The following C19orf38 variants were observed in gnomAD, a reference collection of about 807,000 sequenced individuals.
The protein encoded by C19orf38 is chromosome 19 open reading frame 38, also known as protein HIDE1.
C19orf38 carries 14 observed loss-of-function variants against 26.6 expected under a neutral mutation model. The observed-to-expected ratio is 0.53, with a 90% CI of 0.35 to 0.82. The LOEUF (loss-of-function observed/expected upper bound fraction) is 0.82. Ranked by LOEUF, C19orf38 falls within the 40% of genes least tolerant of loss-of-function variation. C19orf38 has a pLI of 0.01. For missense variants in C19orf38, 261 were observed against 299.5 expected (o/e 0.87, Z 0.95); for synonymous variants, 132 against 128.5 (o/e 1.03, Z -0.18).
At chr19:10,837,809 AT>A (rs977063635) in intron 1 of C19orf38, among the ~76,000 whole-genome samples, 1 of 145,594 alleles carries the variant, frequency 6.9e-6, no homozygotes, top group Admixed American at 6.9e-5. Context: ...ACCCGGCCGG[AT>A]TTTTTTTAGG....
At chr19:10,862,971 T>C (rs2073716510) in intron 5 of C19orf38, among the ~76,000 whole-genome samples, 199 bp from the exon 6 acceptor site, 2 of 152,042 alleles carry the variant, frequency 1.3e-5, no homozygotes, top group African/African-American at 2.4e-5. Context: ...CTAGGAAGAC[T>C]GTGTGTAGAA....
At chr19:10,840,936 T>C (rs1415772064) in intron 1 of C19orf38, among the ~76,000 whole-genome samples, 2 of 152,168 alleles carry the variant, frequency 1.3e-5, no homozygotes, top group Non-Finnish European at 2.9e-5. Flanking sequence ...TGACCGGCCC[T>C]GTTTTGTATT....
chr19:10,842,215 G>C, intron 1 of C19orf38: 1 of 1,342,384 alleles, frequency 7.4e-7, no homozygotes, highest in Non-Finnish European at 1.1e-6. Context: ...AACTTTCAGT[G>C]ATGACTACCA....
upstream of C19orf38, among the ~76,000 whole-genome samples, chr19:10,846,227 C>T (rs181519940): frequency 3.3e-5 from 5 of 151,438 alleles, no homozygotes; most frequent in East Asian, 3.9e-4. Flanking sequence ...GACAGAGTCT[C>T]GCTCTGTTGC....
At chr19:10,866,873 T>G (rs962882094) in intron 6 of C19orf38, among the ~76,000 whole-genome samples, 2 of 151,978 alleles carry the variant, frequency 1.3e-5, no homozygotes, top group Admixed American at 6.6e-5. Context: ...ACTCCTGACC[T>G]CAGGTGATCC....
chr19:10,838,517 T>A (rs1386097663), intron 1 of C19orf38, among the ~76,000 whole-genome samples: 1 of 152,196 alleles, frequency 6.6e-6, no homozygotes, highest in Non-Finnish European at 1.5e-5. Context: ...TTTCATCGGC[T>A]CAGTAAAGAT....
rs1432489857 is a variant in C19orf38, at chr19:10,863,198, C to T, written c.534C>T (p.Thr178=). The T allele has an allele frequency of 3.2e-6, 5 of 1,551,268 alleles. No homozygotes were observed. The highest frequency in any genetic ancestry group is 2.4e-5 in the East Asian group (1 of 40,926). The part of the protein sequence containing the change: ...TDMSFDNSLF[T]VSAKTMPEED... ...TGTCCTTCGATAACTCCCTGTTTAC[C>T]GTCTCCGCGGTGAGTGGTTCTTTTT... Residue 178 remains threonine, a synonymous_variant, in exon 6 of 7, where the codon ACC becomes ACT. Coordinates refer to ENST00000397820, the MANE Select transcript of C19orf38 (RefSeq NM_001136482.3).
intron 3 of C19orf38, among the ~76,000 whole-genome samples, chr19:10,857,366 A>ATATATATATTT (rs1433358051): frequency 4.6e-4 from 26 of 56,070 alleles, no homozygotes; most frequent in Non-Finnish European, 5.8e-4. Flanking sequence ...ATATATATAT[A>ATATATATATTT]TTTTTTTTTT....
At chr19:10,862,674 A>T (rs1386212204) in intron 5 of C19orf38, among the ~76,000 whole-genome samples, 1 of 152,058 alleles carries the variant, frequency 6.6e-6, no homozygotes, top group Non-Finnish European at 1.5e-5. Context: ...TACTAAGAAT[A>T]TGAAAATTAG....
intron 1 of C19orf38, among the ~76,000 whole-genome samples, chr19:10,843,124 G>C (rs1831838424): frequency 6.6e-6 from 1 of 152,174 alleles, no homozygotes; most frequent in Non-Finnish European, 1.5e-5. Context: ...ATTGGATTGT[G>C]AGTGTGCAAA....
upstream of C19orf38, among the ~76,000 whole-genome samples, chr19:10,846,973 C>A (rs368932238): frequency 2.6e-4 from 40 of 152,252 alleles, 1 homozygote; most frequent in African/African-American, 8.9e-4. Flanking sequence ...ATAGTGTGTG[C>A]AAAGGCCCTG....
In C19orf38 at chr19:10,869,296, C is replaced by T. The variant is rs368631494; in HGVS notation, c.622C>T (p.Arg208Trp). The T allele has an allele frequency of 2.1e-4, 320 of 1,551,650 alleles. 1 individual carries two copies. Among genetic ancestry groups the T allele is most frequent in the Middle Eastern group, 8.3e-4 (5 of 5,992 alleles). The change falls in exon 7 of 7, where the codon CGG becomes TGG. Residue 208 changes from arginine (R) to tryptophan (W), a missense_variant. Coordinates refer to ENST00000397820, the MANE Select transcript of C19orf38 (RefSeq NM_001136482.3). Reference sequence around the variant, plus strand: ...TGCCACCCCCAGCAACTCCAGGACCCGGAAGAGGCCCACTTCCACGTCCTC... The same window carrying T: ...TGCCACCCCCAGCAACTCCAGGACCTGGAAGAGGCCCACTTCCACGTCCTC... ...TTATPSNSRTRKRPTSTSSSP... is the reference protein window; with the variant it reads ...TTATPSNSRTWKRPTSTSSSP...
chr19:10,863,659 C>A (rs2073724967), intron 6 of C19orf38, among the ~76,000 whole-genome samples: 2 of 150,882 alleles, frequency 1.3e-5, no homozygotes, highest in Admixed American at 1.3e-4. Context: ...CGGTGACTCA[C>A]GTCTGTAATC....
chr19:10,858,937 T>A (rs889365960), intron 4 of C19orf38, among the ~76,000 whole-genome samples: 6 of 54,718 alleles, frequency 1.1e-4, no homozygotes, highest in African/African-American at 3.8e-4. Context: ...TATATATATG[T>A]TTTTTTTTTT....
At chr19:10,837,224 A>G (rs1434503666) in intron 1 of C19orf38, among the ~76,000 whole-genome samples, 1 of 152,222 alleles carries the variant, frequency 6.6e-6, no homozygotes. Flanking sequence ...GTTCCCGTCT[A>G]AACATAAACT....
intron 6 of C19orf38, among the ~76,000 whole-genome samples, chr19:10,866,490 G>A (rs1012249048): frequency 6.6e-6 from 1 of 151,192 alleles, no homozygotes. Flanking sequence ...ACAGGCGTGA[G>A]CCACCAGGCC....
At chr19:10,862,287 C>T (rs2073706820) in intron 5 of C19orf38, among the ~76,000 whole-genome samples, 1 of 150,854 alleles carries the variant, frequency 6.6e-6, no homozygotes, top group Non-Finnish European at 1.5e-5. Flanking sequence ...TCACTGCAGC[C>T]TCGACCTCCT....
At chr19:10,848,026 A>C (rs1026515113), upstream of C19orf38, among the ~76,000 whole-genome samples, 33 of 152,128 alleles carry the variant, frequency 2.2e-4, no homozygotes, top group Admixed American at 9.2e-4. Context: ...CCCCGTCTCT[A>C]CTAAAAATAC....
At position 10,841,780 on chromosome 19, in the gene C19orf38, C is replaced by G; in HGVS notation, c.-69+5010C>G. 9 of 923,298 alleles carry G rather than the reference C, an allele frequency of 9.7e-6. No homozygotes were observed. In the South Asian group the frequency reaches 1.2e-4, roughly 13 times the overall value. The allele number at this position is 923,298 out of a possible 1,614,324, so 57.2% of individuals were successfully genotyped here. A position where few individuals can be genotyped will look rare whatever the true frequency, so the allele number is the denominator to read the frequency against. ...TTGAGCCCAGGAGTTCCCGACTAGC[C>G]TGGGCAGCATAGTGAGATCCCATCT... On this transcript the variant is annotated intron_variant, in intron 1 of 7. Transcript: ENST00000592854.
Sources: allele counts gnomAD v4.1 joint callset (sites outside exome capture counted in the v4.1 genomes callset), GRCh38; gene constraint gnomAD v4.1.1; transcripts MANE v1.5; gene names NCBI Gene and HGNC (gene_info 2026-07-23, HGNC 2026-07-21).